Variants in PCNX4 observed in about 807,000 individuals in gnomAD.
PCNX4 encodes pecanex 4.
Under a neutral mutation model 107.2 loss-of-function variants are expected in PCNX4, and 103 were observed. The observed-to-expected ratio is 0.96, with a 90% CI of 0.82 to 1.13. The LOEUF is 1.13. Among genes scored for constraint, PCNX4 ranks in the 50% most tolerant of loss-of-function variants. The pLI is 0.00. For synonymous variants in PCNX4, 541 were observed against 481.7 expected (o/e 1.12, Z -1.61); for missense variants, 1,528 against 1,379.4 (o/e 1.11, Z -1.71).
intron 10 of PCNX4, among the ~76,000 whole-genome samples, chr14:60,129,276 G>C (rs1007987758): frequency 6.6e-6 from 1 of 150,868 alleles, no homozygotes; most frequent in African/African-American, 2.5e-5. Flanking sequence ...AACAAGGCTG[G>C]GCATGGTAAC....
Position 60,134,106 on chromosome 14 carries a change from G to A in PCNX4, c.3404G>A (p.Arg1135His), listed in dbSNP as rs776907439. The A allele has an allele frequency of 4.2e-5, 67 of 1,613,672 alleles. No homozygotes were observed. The highest frequency in any genetic ancestry group is 4.1e-5 in the Non-Finnish European group (48 of 1,179,796). Reference protein sequence around the residue: ...LLYATNDDEERYSIQAHPLLL... With the variant: ...LLYATNDDEEHYSIQAHPLLL... ...TATGCCACAAACGATGATGAAGAAC[G>A]TTATAGTATACAAGCTCATCCACTA... The change falls in exon 11 of 11, where the codon CGT (arginine) becomes CAT (histidine). Residue 1135 changes from arginine (R) to histidine (H), a missense_variant. By Grantham distance (29) the Arg-to-His change is conservative. Coordinates refer to ENST00000406854, the MANE Select transcript of PCNX4 (RefSeq NM_001330177.2).
At chr14:60,092,677 C>T (rs996907447) in intron 1 of PCNX4, among the ~76,000 whole-genome samples, 1 of 152,154 alleles carries the variant, frequency 6.6e-6, no homozygotes, top group Non-Finnish European at 1.5e-5. Context: ...CTAAGAGACT[C>T]GTACGAAATG....
At position 60,118,544 on chromosome 14, in the gene PCNX4, G is replaced by A. The variant is rs780834392; in HGVS notation, c.1794G>A (p.Val598=). The A allele has an allele frequency of 1.2e-6, 2 of 1,613,760 alleles. No homozygotes were observed. Among genetic ancestry groups the A allele is most frequent in the Non-Finnish European group, 8.5e-7 (1 of 1,179,836 alleles). ...SPLLPLFTLP[V]FLVGFPRPIQ... ...TACTCCCTCTTTTCACCCTTCCTGT[G>A]TTCTTGGTGGGGTTTCCCCGACCTA... Residue 598 remains valine, a synonymous_variant, in exon 7 of 11, where the codon GTG becomes GTA. Coordinates refer to ENST00000406854, the MANE Select transcript of PCNX4 (RefSeq NM_001330177.2).
chr14:60,103,877 C>G (rs954420374), intron 1 of PCNX4, among the ~76,000 whole-genome samples: 47 of 152,154 alleles, frequency 3.1e-4, no homozygotes, highest in Admixed American at 1.8e-3. Flanking sequence ...TTGATCTAGG[C>G]AGAATCTTCC....
Position 60,114,838 on chromosome 14 carries a change from A to G in PCNX4, c.828A>G (p.Leu276=), listed in dbSNP as rs1895811026. 1 of 1,613,552 alleles carries G rather than the reference A, an allele frequency of 6.2e-7. No homozygotes were observed. The highest frequency in any genetic ancestry group is 8.5e-7 in the Non-Finnish European group (1 of 1,179,710). Residue 276 remains leucine (L), a synonymous_variant, in exon 3 of 11, where the codon TTA becomes TTG. Coordinates refer to ENST00000406854, the MANE Select transcript of PCNX4 (RefSeq NM_001330177.2). ...TCTTATGGGCAATGGAGCAGGTTTTAGAGTTCGGCCTTGGAGGCTCATCTA... is the reference window on the plus strand; with the variant it reads ...TCTTATGGGCAATGGAGCAGGTTTTGGAGTTCGGCCTTGGAGGCTCATCTA... ...ALLLWAMEQV[L]EFGLGGSSMS...
rs2140574053 is a variant in PCNX4 at position 60,136,764 on chromosome 14, C to T, written c.*2543C>T. 6.6e-6 allele frequency: 1 copy of T among 152,638 alleles called. No individual in the cohort carries two copies. The highest frequency in any genetic ancestry group is 2.4e-5 in the African/African-American group (1 of 41,552). The allele number at this position is 152,638 out of a possible 1,614,324, so 9.5% of individuals were successfully genotyped here. A position where few individuals can be genotyped will look rare whatever the true frequency, so the allele number is the denominator to read the frequency against. ...CTCCCATGATGAGGTGGTTCTGGCC[C>T]TTGTTGTGGTGGGATGTCATCATAG... On this transcript the variant is annotated 3_prime_UTR_variant, in exon 11 of 11. Coordinates refer to ENST00000406854, the MANE Select transcript of PCNX4 (RefSeq NM_001330177.2).
rs1896012913 is a variant in PCNX4 at position 60,124,534 on chromosome 14, A to C, written c.2363A>C (p.Lys788Thr). 1.2e-6 allele frequency: 2 copies of C among 1,613,700 alleles called. No individual in the cohort carries two copies. Among genetic ancestry groups the C allele is most frequent in the East Asian group, 2.2e-5 (1 of 44,890 alleles). ...GAGAATGTTCACAACACTGAAAATAAAGGGAAAGCACCTCTAATGTTGCCT... is the reference window on the plus strand; with the variant it reads ...GAGAATGTTCACAACACTGAAAATACAGGGAAAGCACCTCTAATGTTGCCT... ...MKENVHNTEN[K>T]GKAPLMLPAL... Residue 788 changes from lysine (K) to threonine (T), a missense_variant, in exon 9 of 11, where the codon AAA becomes ACA. Transcript: ENST00000406854.
At position 60,144,397 on chromosome 14, in the gene PCNX4, G is replaced by A. The variant is rs1169861303; in HGVS notation, c.*10176G>A. On this transcript the variant is annotated 3_prime_UTR_variant, in exon 11 of 11. Coordinates refer to ENST00000406854, the MANE Select transcript of PCNX4 (RefSeq NM_001330177.2). ...CCCCAAAGCAACAGTATTAAAGGAT[G>A]TGGCCTTTAAGAGGTGACTGAGTAA... The A allele has an allele frequency of 1.3e-5, 2 of 153,184 alleles. No individual in the cohort carries two copies. 9.5% of individuals were successfully genotyped at this position (153,184 alleles called of 1,614,324 possible).
chr14:60,115,593 T>C, intron 4 of PCNX4, 126 bp from the exon 5 acceptor site: 2 of 1,363,014 alleles, frequency 1.5e-6, no homozygotes, highest in Non-Finnish European at 2.0e-6. Flanking sequence ...TTATGGTTTT[T>C]TGTTTATTGG....
rs1237656316 is a variant in PCNX4 at position 60,108,126 on chromosome 14, T to C, written c.488T>C (p.Ile163Thr). The change falls in exon 2 of 11, where the codon ATA (isoleucine) becomes ACA (threonine). Residue 163 changes from isoleucine to threonine, a missense_variant. By Grantham distance (89) the Ile-to-Thr change is moderately conservative. Coordinates refer to ENST00000406854, the MANE Select transcript of PCNX4 (RefSeq NM_001330177.2). ...ACATGGTATCTGCTCCCAAATAGAA[T>C]AACCTTGCTGTATGGCAGTACAGGA... The part of the protein sequence containing the change: ...LGTWYLLPNR[I>T]TLLYGSTGGT... The C allele has an allele frequency of 1.2e-6, 2 of 1,612,884 alleles. No homozygotes were observed. Among genetic ancestry groups the C allele is most frequent in the South Asian group, 1.1e-5 (1 of 91,088 alleles).
chr14:60,113,811 G>C (rs1895785389), intron 2 of PCNX4, among the ~76,000 whole-genome samples: 1 of 152,058 alleles, frequency 6.6e-6, no homozygotes, highest in Non-Finnish European at 1.5e-5. Flanking sequence ...TTGGTCTCTG[G>C]ACACAGTGTT....
At chr14:60,115,698 T>C (rs762378912) in intron 4 of PCNX4, 21 bp from the exon 5 acceptor site, 17 of 1,589,494 alleles carry the variant, frequency 1.1e-5, no homozygotes, top group East Asian at 2.2e-5. Flanking sequence ...ATTAAATTTC[T>C]CTCTTTTTGT....
At chr14:60,128,003 A>G (rs1595178345) in intron 10 of PCNX4, among the ~76,000 whole-genome samples, 1 of 152,322 alleles carries the variant, frequency 6.6e-6, no homozygotes, top group East Asian at 1.9e-4. Flanking sequence ...GGCAGAAGAA[A>G]GAATTAGTGA....
At position 60,144,679 on chromosome 14, in the gene PCNX4, A is replaced by G. The variant is rs1053085772; in HGVS notation, c.*10458A>G. The G allele has an allele frequency of 3.5e-6, 1 of 283,502 alleles. No homozygotes were observed. Among genetic ancestry groups the G allele is most frequent in the Admixed American group, 5.2e-5 (1 of 19,296 alleles). 17.6% of individuals were successfully genotyped at this position (283,502 alleles called of 1,614,324 possible). A position where few individuals can be genotyped will look rare whatever the true frequency, so the allele number is the denominator to read the frequency against. On this transcript the variant is annotated 3_prime_UTR_variant, in exon 11 of 11. Coordinates refer to ENST00000406854, the MANE Select transcript of PCNX4 (RefSeq NM_001330177.2). ...CTGTGGTATTTTGTTATAGCAGCAC[A>G]AATGGACTAAGACAAATCTGTTAAC...
chr14:60,115,826 C>G lies in PCNX4; in HGVS notation c.1458+7C>G. 1 of 1,605,896 alleles carries G rather than the reference C, an allele frequency of 6.2e-7. No individual in the cohort carries two copies. The highest frequency in any genetic ancestry group is 8.5e-7 in the Non-Finnish European group (1 of 1,173,888). ...CACAAGAGCCTTTAGAATGGTAATCCTAATATGTGTTTAATAGTATTTTCC... is the reference window on the plus strand; with the variant it reads ...CACAAGAGCCTTTAGAATGGTAATCGTAATATGTGTTTAATAGTATTTTCC... On this transcript the variant is annotated splice_region_variant and intron_variant, in intron 5 of 10. Coordinates refer to ENST00000406854, the MANE Select transcript of PCNX4 (RefSeq NM_001330177.2).
chr14:60,112,376 T>C (rs1895755875), intron 2 of PCNX4, among the ~76,000 whole-genome samples: 1 of 152,198 alleles, frequency 6.6e-6, no homozygotes, highest in South Asian at 2.1e-4. Context: ...TTTTTTACCT[T>C]AGAAAATTTC....
Position 60,118,189 on chromosome 14 carries a change from AAAAAATC to A in PCNX4, c.1579-136_1579-130del, listed in dbSNP as rs201437114. 1.8e-4 allele frequency: 237 copies of A among 1,282,944 alleles called. 2 individuals are homozygous for A. The East Asian group carries it at 6.4e-3, about 34-fold the overall frequency. The allele number at this position is 1,282,944 out of a possible 1,614,324, so 79.5% of individuals were successfully genotyped here. Reference sequence around the variant, plus strand: ...ATTATGAGGTTGGAGAAAATTAACAAAAAAATCAAAGAATAAGATTTATTTCTTCAAA... The same window carrying A: ...ATTATGAGGTTGGAGAAAATTAACAAAAAGAATAAGATTTATTTCTTCAAA... On this transcript the variant is annotated intron_variant, in intron 6 of 10. Transcript: ENST00000406854.
chr14:60,115,739 G>A lies in PCNX4; in HGVS notation c.1378G>A (p.Ala460Thr), dbSNP rs200594155. 134 of 1,612,796 alleles carry A rather than the reference G, an allele frequency of 8.3e-5. No homozygotes were observed. The highest frequency in any genetic ancestry group is 2.3e-5 in the Non-Finnish European group (27 of 1,179,290). ...TTTAGTATCACCTTTTGCCATGATA[G>A]CATTTCTTTCATTGGACAGTTCCTT... ...LTLVSPFAMIAFLSLDSSLQG... is the reference protein window; with the variant it reads ...LTLVSPFAMITFLSLDSSLQG... Residue 460 changes from alanine (A) to threonine (T), a missense_variant, in exon 5 of 11, where the codon GCA (alanine) becomes ACA (threonine). Transcript: ENST00000406854.
intron 1 of PCNX4, among the ~76,000 whole-genome samples, chr14:60,107,344 A>G (rs960122586): frequency 1.3e-5 from 2 of 152,096 alleles, no homozygotes; most frequent in African/African-American, 2.4e-5. Context: ...ATCACAGTAC[A>G]CTCCAGCTTG....
Sources: gnomAD v4.1 joint callset for allele counts (sites outside exome capture counted in the v4.1 genomes callset) on GRCh38, gnomAD v4.1.1 for gene constraint, MANE v1.5 for transcripts, NCBI Gene and HGNC (gene_info 2026-07-23, HGNC 2026-07-21) for gene names.